Variants in ALK observed in about 807,000 individuals in gnomAD.
ALK encodes the protein ALK tyrosine kinase receptor.
ALK carries 74 observed loss-of-function variants against 163.1 expected under a neutral mutation model. That is an observed-to-expected ratio of 0.45 (90% CI 0.38 to 0.55). The LOEUF (loss-of-function observed/expected upper bound fraction) is 0.55, where lower values mean the gene tolerates loss of function less well. Among genes scored for constraint, ALK ranks in the 20% least tolerant of loss-of-function variants. ALK has a pLI of 0.00. For missense variants in ALK, 2,063 were observed against 2,105.3 expected (o/e 0.98, Z 0.39); for synonymous variants, 960 against 843.2 (o/e 1.14, Z -2.40).
chr2:29,591,114 G>GC (rs1335380205), intron 3 of ALK, among the ~76,000 whole-genome samples: 3 of 146,102 alleles, frequency 2.1e-5, no homozygotes, highest in Admixed American at 6.8e-5. Context: ...CACTGCAGTG[G>GC]CCCCTTTCCC....
chr2:29,543,971 ACATG>A (rs1380013391), intron 3 of ALK, among the ~76,000 whole-genome samples: 1 of 152,170 alleles, frequency 6.6e-6, no homozygotes, highest in Admixed American at 6.5e-5. Flanking sequence ...ATAAATACAC[ACATG>A]CATGGATGGA....
At chr2:29,497,468 G>C (rs186340940) in intron 4 of ALK, among the ~76,000 whole-genome samples, 34 of 152,232 alleles carry the variant, frequency 2.2e-4, no homozygotes, top group African/African-American at 6.3e-4. Context: ...CATGGTGCTT[G>C]CTACTGAGTG....
At chr2:29,426,117 A>G (rs538623930) in intron 4 of ALK, among the ~76,000 whole-genome samples, 36 of 152,266 alleles carry the variant, frequency 2.4e-4, no homozygotes, top group African/African-American at 8.0e-4. Context: ...TGATGCCAGC[A>G]GAAGCAGTTG....
intron 1 of ALK, among the ~76,000 whole-genome samples, chr2:29,810,146 A>C (rs1664717029): frequency 6.6e-6 from 1 of 152,156 alleles, no homozygotes; most frequent in South Asian, 2.1e-4. Flanking sequence ...AGTCAGCCGG[A>C]CATGGTGGCT....
intron 3 of ALK, among the ~76,000 whole-genome samples, chr2:29,632,856 C>T (rs1676417255): frequency 6.6e-6 from 1 of 152,182 alleles, no homozygotes; most frequent in Non-Finnish European, 1.5e-5. Context: ...GCAGAACCCC[C>T]TGATAAAACC....
At chr2:29,661,362 TG>T (rs1171271580) in intron 3 of ALK, among the ~76,000 whole-genome samples, 3 of 152,142 alleles carry the variant, frequency 2.0e-5, no homozygotes, top group Non-Finnish European at 4.4e-5. Flanking sequence ...AGAGAGGCAT[TG>T]CCATTTTGCA....
At chr2:29,820,048 T>C (rs879550088) in intron 1 of ALK, among the ~76,000 whole-genome samples, 67 of 152,324 alleles carry the variant, frequency 4.4e-4, no homozygotes, top group Non-Finnish European at 8.2e-4. Context: ...TTGGTATTCC[T>C]CTCTTCAAGA....
intron 1 of ALK, among the ~76,000 whole-genome samples, chr2:29,843,989 C>T (rs115892849): frequency 3.2e-3 from 492 of 152,174 alleles, no homozygotes; most frequent in South Asian, 6.6e-3. Context: ...CTGTGACATA[C>T]GCTTTTGAAA....
chr2:29,480,177 A>G (rs940816808), intron 4 of ALK, among the ~76,000 whole-genome samples: 19 of 152,252 alleles, frequency 1.2e-4, no homozygotes, highest in African/African-American at 3.9e-4. Context: ...ATGGACACAT[A>G]GTATACAGGA....
At chr2:29,678,354 T>C (rs1229129803) in intron 3 of ALK, among the ~76,000 whole-genome samples, 6 of 151,894 alleles carry the variant, frequency 4.0e-5, no homozygotes, top group Non-Finnish European at 7.4e-5. Context: ...CATGTTTTCA[T>C]TGATTTTTCT....
intron 4 of ALK, among the ~76,000 whole-genome samples, chr2:29,418,190 T>C (rs1669926566): frequency 6.6e-6 from 1 of 152,218 alleles, no homozygotes; most frequent in Admixed American, 6.5e-5. Context: ...GGGCTAACTC[T>C]GCAGTTAAAA....
intron 4 of ALK, among the ~76,000 whole-genome samples, chr2:29,477,244 C>T (rs1007173886): frequency 5.9e-5 from 9 of 152,126 alleles, no homozygotes; most frequent in Non-Finnish European, 8.8e-5. Context: ...GGCCAGTACC[C>T]CCTCATCCCA....
intron 1 of ALK, among the ~76,000 whole-genome samples, chr2:29,905,894 CA>C (rs1273730119): frequency 3.3e-5 from 5 of 152,272 alleles, no homozygotes; most frequent in Admixed American, 3.3e-4. Context: ...TGTCTGGCCC[CA>C]CTCCTGGGCT....
intron 3 of ALK, among the ~76,000 whole-genome samples, chr2:29,683,412 C>CA (rs999701121): frequency 5.3e-5 from 8 of 151,408 alleles, no homozygotes; most frequent in Admixed American, 4.0e-4. Context: ...AAAACAAAAA[C>CA]AAAAAAAATG....
intron 5 of ALK, among the ~76,000 whole-genome samples, chr2:29,330,010 T>C (rs1183643889): frequency 6.6e-6 from 1 of 152,152 alleles, no homozygotes; most frequent in African/African-American, 2.4e-5. Flanking sequence ...GAGGTGGCCT[T>C]GTGCCCTCTT....
At chr2:29,206,776 GGTGTGTGTGTGT>G (rs3028218) in intron 26 of ALK, among the ~76,000 whole-genome samples, 3 of 150,384 alleles carry the variant, frequency 2.0e-5, no homozygotes, top group South Asian at 2.1e-4. Flanking sequence ...TCCCTTTATT[GGTGTGTGTGTGT>G]GTGTGTGTGT....
At chr2:29,741,585 G>A (rs1054321599) in intron 1 of ALK, among the ~76,000 whole-genome samples, 5 of 152,296 alleles carry the variant, frequency 3.3e-5, no homozygotes, top group African/African-American at 1.2e-4. Context: ...TCCATTCAAA[G>A]CTTTTAAGTT....
intron 3 of ALK, among the ~76,000 whole-genome samples, chr2:29,637,064 G>C (rs917464698): frequency 6.6e-6 from 1 of 152,162 alleles, no homozygotes; most frequent in Admixed American, 6.5e-5. Context: ...ATTACCACAG[G>C]ACTCAGTGGT....
intron 3 of ALK, among the ~76,000 whole-genome samples, chr2:29,550,947 A>G (rs1050333184): frequency 4.3e-4 from 66 of 152,158 alleles, no homozygotes; most frequent in African/African-American, 1.4e-3. Context: ...CATATTTATA[A>G]ATATTTGTGT....
Sources: gnomAD v4.1 joint callset for allele counts (sites outside exome capture counted in the v4.1 genomes callset) on GRCh38, gnomAD v4.1.1 for gene constraint, MANE v1.5 for transcripts, NCBI Gene and HGNC (gene_info 2026-07-23, HGNC 2026-07-21) for gene names.